The following NALF1 variants were observed in gnomAD, a reference collection of about 807,000 sequenced individuals.
The protein encoded by NALF1 is family with sequence similarity 155 member A.
A neutral mutation model predicts 48.4 loss-of-function variants in NALF1; 3 were observed. That is an observed-to-expected ratio of 0.06 (90% confidence interval 0.03 to 0.16). The LOEUF (loss-of-function observed/expected upper bound fraction) is 0.16, where lower values mean the gene tolerates loss of function less well. NALF1 is among the 10% of genes least tolerant of loss of function. The pLI, the probability that NALF1 is intolerant of heterozygous loss-of-function variation, is 1.00. For missense variants in NALF1, 526 were observed against 571.5 expected (o/e 0.92, Z 0.81); for synonymous variants, 262 against 245.7 (o/e 1.07, Z -0.62).
At chr13:107,466,366 T>C (rs918051019) in intron 1 of NALF1, 5 of 152,218 alleles carry the variant, frequency 3.3e-5, no homozygotes, top group African/African-American at 1.2e-4. Flanking sequence ...AATAGGAATT[T>C]TGGAGGTCCA....
chr13:107,502,844 T>TA (rs1322246090), intron 1 of NALF1, among the ~76,000 whole-genome samples: 6 of 152,156 alleles, frequency 3.9e-5, no homozygotes, highest in African/African-American at 1.4e-4. Flanking sequence ...ATTTTTTCTT[T>TA]AAAAAAATAC....
chr13:107,687,852 C>T (rs1254423139), intron 1 of NALF1, among the ~76,000 whole-genome samples: 1 of 152,166 alleles, frequency 6.6e-6, no homozygotes, highest in African/African-American at 2.4e-5. Context: ...CACATGGCTG[C>T]CATGGACACA....
chr13:107,575,998 ATGTG>A (rs56118452), intron 1 of NALF1, among the ~76,000 whole-genome samples: 12 of 151,020 alleles, frequency 7.9e-5, no homozygotes, highest in Admixed American at 7.2e-4. Context: ...GTGCATGTAT[ATGTG>A]TGTGTGTGTA....
At chr13:107,846,625 C>T (rs537925000) in intron 1 of NALF1, among the ~76,000 whole-genome samples, 2 of 152,306 alleles carry the variant, frequency 1.3e-5, no homozygotes, top group South Asian at 4.1e-4. Context: ...ACAAAAGATG[C>T]ATCTCCTAGA....
chr13:107,492,249 A>G (rs1039753210), intron 1 of NALF1, among the ~76,000 whole-genome samples: 22 of 151,718 alleles, frequency 1.5e-4, no homozygotes. Context: ...GGGTGTCACC[A>G]TGTTGGCCAG....
chr13:107,693,091 T>A (rs1340756129), intron 1 of NALF1, among the ~76,000 whole-genome samples: 2 of 152,114 alleles, frequency 1.3e-5, no homozygotes, highest in Non-Finnish European at 2.9e-5. Flanking sequence ...TCCACAATGG[T>A]TGAACTAGTT....
In NALF1 at chr13:107,368,309, T is replaced by C. The variant is rs74620144; in HGVS notation, c.916-157554A>G. 6.7e-3 allele frequency among the ~76,000 whole-genome samples: 961 copies of C among 143,936 alleles called. 5 individuals are homozygous for C. The highest frequency in any genetic ancestry group is 0.023 in the African/African-American group (912 of 39,794). The allele number at this position is 143,936 out of a possible 152,430, so 94.4% of individuals were successfully genotyped here. A position where few individuals can be genotyped will look rare whatever the true frequency, so the allele number is the denominator to read the frequency against. ...ATTAGCACAAACTTGCAAAGATAAA[T>C]CACATAAATACTTTTTTTTTTTTTT... On this transcript the variant is annotated intron_variant, in intron 1 of 2. Coordinates refer to ENST00000375915, the MANE Select transcript of NALF1 (RefSeq NM_001080396.3).
At chr13:107,383,138 C>T (rs1412303632) in intron 1 of NALF1, among the ~76,000 whole-genome samples, 1 of 152,116 alleles carries the variant, frequency 6.6e-6, no homozygotes, top group Non-Finnish European at 1.5e-5. Context: ...TTCTTTTTAG[C>T]ACATGTTTGC....
In NALF1 at chr13:107,403,188, CTTTTTTTTTTTTTTTTT is replaced by C. The variant is rs10710356; in HGVS notation, c.916-192450_916-192434del. On this transcript the variant is annotated intron_variant, in intron 1 of 2. Coordinates refer to ENST00000375915, the MANE Select transcript of NALF1 (RefSeq NM_001080396.3). ...TTCTGCTTGGTTTCTCTTGTTCGGG[CTTTTTTTTTTTTTTTTT>C]TTTTTTTTTTTTTATCATTTTCGTA... Among the ~76,000 whole-genome samples, 17 of 42,490 alleles carry C rather than the reference CTTTTTTTTTTTTTTTTT, an allele frequency of 4.0e-4. 1 individual carries two copies. The highest frequency in any genetic ancestry group is 1.4e-3 in the South Asian group (1 of 736). The allele number at this position is 42,490 out of a possible 152,430, so 27.9% of individuals were successfully genotyped here. A position where few individuals can be genotyped will look rare whatever the true frequency, so the allele number is the denominator to read the frequency against.
At chr13:107,625,009 G>A (rs1041639546) in intron 1 of NALF1, among the ~76,000 whole-genome samples, 2 of 152,104 alleles carry the variant, frequency 1.3e-5, no homozygotes, top group Non-Finnish European at 2.9e-5. Context: ...GGCTTTTTCA[G>A]CACACATTCA....
intron 1 of NALF1, among the ~76,000 whole-genome samples, chr13:107,524,108 T>C (rs1324397434): frequency 1.3e-5 from 2 of 152,170 alleles, no homozygotes; most frequent in Non-Finnish European, 2.9e-5. Flanking sequence ...AGTGCTATTA[T>C]GGGGTCAAAG....
intron 1 of NALF1, among the ~76,000 whole-genome samples, chr13:107,642,337 G>A (rs1880182651): frequency 6.6e-6 from 1 of 152,154 alleles, no homozygotes; most frequent in African/African-American, 2.4e-5. Context: ...TATCTGAATT[G>A]AAGTCAGCAT....
chr13:107,531,968 A>G (rs915317924), intron 1 of NALF1, among the ~76,000 whole-genome samples: 44 of 152,206 alleles, frequency 2.9e-4, no homozygotes, highest in African/African-American at 1.0e-3. Flanking sequence ...GCTTTTTCAC[A>G]ATCAAGTTCA....
At chr13:107,485,468 C>T (rs1258537200) in intron 1 of NALF1, among the ~76,000 whole-genome samples, 1 of 152,152 alleles carries the variant, frequency 6.6e-6, no homozygotes, top group Non-Finnish European at 1.5e-5. Flanking sequence ...TGGACAGCAA[C>T]ACATTTTAAA....
chr13:107,823,693 C>T (rs1879425145), intron 1 of NALF1, among the ~76,000 whole-genome samples: 1 of 152,158 alleles, frequency 6.6e-6, no homozygotes, highest in Admixed American at 6.5e-5. Flanking sequence ...TTCCAGAGAG[C>T]TTTCATGCTC....
intron 1 of NALF1, among the ~76,000 whole-genome samples, chr13:107,539,248 T>C (rs945880007): frequency 6.6e-6 from 1 of 151,922 alleles, no homozygotes; most frequent in East Asian, 1.9e-4. Flanking sequence ...CATCAGCATC[T>C]GGTGAGGGTC....
At chr13:107,279,043 C>CTTTTTT (rs200133690) in intron 1 of NALF1, among the ~76,000 whole-genome samples, 21 of 122,938 alleles carry the variant, frequency 1.7e-4, no homozygotes, top group African/African-American at 5.5e-4. Context: ...TTCTTTTCTT[C>CTTTTTT]TTTTTTTTTT....
rs114944013 is a variant in NALF1 at position 107,333,805 on chromosome 13, T to C, written c.916-123050A>G. On this transcript the variant is annotated intron_variant, in intron 1 of 2. Coordinates refer to ENST00000375915, the MANE Select transcript of NALF1 (RefSeq NM_001080396.3). ...TACTTTCTCCTTTTACCTGAGGGGA[T>C]AGAGAATGTTTTCAATTTGTAGATG... 8.3e-3 allele frequency among the ~76,000 whole-genome samples: 1,268 copies of C among 152,336 alleles called. 19 individuals carry two copies. The highest frequency in any genetic ancestry group is 0.029 in the African/African-American group (1,207 of 41,564).
intron 1 of NALF1, among the ~76,000 whole-genome samples, chr13:107,580,865 A>T (rs1335776215): frequency 6.6e-6 from 1 of 152,168 alleles, no homozygotes; most frequent in East Asian, 1.9e-4. Flanking sequence ...GTGATGATTC[A>T]AGAGTCAAAG....
Sources: gnomAD v4.1 joint callset for allele counts (sites outside exome capture counted in the v4.1 genomes callset) on GRCh38, gnomAD v4.1.1 for gene constraint, MANE v1.5 for transcripts, NCBI Gene and HGNC (gene_info 2026-07-23, HGNC 2026-07-21) for gene names.